Variants in CABIN1 observed in about 807,000 individuals in gnomAD.
CABIN1 encodes the protein calcineurin-binding protein cabin-1.
In CABIN1, 133 loss-of-function variants were observed where a neutral mutation model predicts 227.7. The ratio of observed to expected loss-of-function variants is 0.58; its 90% CI spans 0.51 to 0.67. The LOEUF is 0.67. CABIN1 is among the 30% of genes least tolerant of loss of function. The pLI is 0.00. For synonymous variants in CABIN1, 1,086 were observed against 1,155.1 expected (o/e 0.94, Z 1.21); for missense variants, 2,408 against 2,852.5 (o/e 0.84, Z 3.55).
intron 27 of CABIN1, among the ~76,000 whole-genome samples, chr22:24,118,890 T>A (rs1019930876): frequency 6.6e-6 from 1 of 152,192 alleles, no homozygotes; most frequent in African/African-American, 2.4e-5. Context: ...GGCTCACATA[T>A]AGCAGCGGCA....
intron 15 of CABIN1, among the ~76,000 whole-genome samples, chr22:24,066,291 A>C (rs1169907912): frequency 6.6e-6 from 1 of 152,172 alleles, no homozygotes; most frequent in African/African-American, 2.4e-5. Context: ...AGAAGCAGTC[A>C]TTGCTCTGCT....
intron 29 of CABIN1, among the ~76,000 whole-genome samples, chr22:24,135,228 T>TA (rs2044322172): frequency 6.7e-6 from 1 of 149,950 alleles, no homozygotes; most frequent in Non-Finnish European, 1.5e-5. Context: ...CTGTCTCTAC[T>TA]AAAATACAAA....
At chr22:24,015,334 G>C (rs1018509140) in intron 1 of CABIN1, among the ~76,000 whole-genome samples, 2 of 144,502 alleles carry the variant, frequency 1.4e-5, no homozygotes, top group African/African-American at 5.1e-5. Flanking sequence ...TCTGTTCATA[G>C]AGATCTTCTT....
chr22:24,164,423 C>T lies in CABIN1; in HGVS notation c.4770C>T (p.Asp1590=), dbSNP rs780553186. ...AGGGCATCTGGCGGATCCCCGTGGA[C>T]GAGATTGACCGGCCGGGCAGCTTTG... The part of the protein sequence containing the change: ...FFNGIWRIPV[D]EIDRPGSFAW... Residue 1590 remains aspartate (D), a synonymous_variant, in exon 30 of 37, where the codon GAC becomes GAT. Transcript: ENST00000263119. The T allele has an allele frequency of 2.3e-5, 37 of 1,604,670 alleles. No individual in the cohort carries two copies. The highest frequency in any genetic ancestry group is 2.2e-4 in the East Asian group (10 of 44,872).
intron 26 of CABIN1, among the ~76,000 whole-genome samples, chr22:24,102,885 C>G (rs2042290861): frequency 6.6e-6 from 1 of 152,170 alleles, no homozygotes; most frequent in Non-Finnish European, 1.5e-5. Flanking sequence ...TGCCCTGTGC[C>G]AAACCCCCAT....
At chr22:24,099,612 C>A (rs1223314319) in intron 26 of CABIN1, among the ~76,000 whole-genome samples, 1 of 152,356 alleles carries the variant, frequency 6.6e-6, no homozygotes, top group African/African-American at 2.4e-5. Flanking sequence ...GTTAATCACC[C>A]TGTTCCCAAA....
At position 24,059,948 on chromosome 22, in the gene CABIN1, T is replaced by C. The variant is rs2039072050; in HGVS notation, c.1424T>C (p.Leu475Pro). ...ESEKQDVHEF[L>P]LENLTNGGIL... ...GAAAAGCAGGACGTGCATGAGTTCCTGCTGGAGAACCTAACCAACGGGGGC... is the reference window on the plus strand; with the variant it reads ...GAAAAGCAGGACGTGCATGAGTTCCCGCTGGAGAACCTAACCAACGGGGGC... The change falls in exon 12 of 37, where the codon CTG (leucine) becomes CCG (proline). Residue 475 changes from leucine to proline, a missense_variant. This residue lies in a region of CABIN1 where 1,045 missense variants were observed against 1,168.4 expected (regional missense o/e 0.89). Coordinates refer to ENST00000263119, the MANE Select transcript of CABIN1 (RefSeq NM_012295.4). 1 of 1,614,130 alleles carries C rather than the reference T, an allele frequency of 6.2e-7. No individual in the cohort carries two copies. The highest frequency in any genetic ancestry group is 8.5e-7 in the Non-Finnish European group (1 of 1,180,054).
At position 24,164,455 on chromosome 22, in the gene CABIN1, A is replaced by C; in HGVS notation, c.4802A>C (p.His1601Pro). ...EIDRPGSFAW[H>P]MNRSIVLLLK... ...GACCGGCCGGGCAGCTTTGCCTGGC[A>C]CATGAACCGCTCCATCGTGCTGCTG... Residue 1601 changes from histidine (H) to proline (P), a missense_variant, in exon 30 of 37, where the codon CAC becomes CCC. This residue lies in a region of CABIN1 where 649 missense variants were observed against 910.3 expected (regional missense o/e 0.71). Coordinates refer to ENST00000263119, the MANE Select transcript of CABIN1 (RefSeq NM_012295.4). The C allele has an allele frequency of 1.2e-6, 2 of 1,605,882 alleles. No homozygotes were observed. Among genetic ancestry groups the C allele is most frequent in the Non-Finnish European group, 1.7e-6 (2 of 1,179,970 alleles).
intron 32 of CABIN1, 59 bp downstream of exon 32, chr22:24,167,372 C>T (rs2046514147): frequency 1.3e-6 from 2 of 1,534,414 alleles, no homozygotes; most frequent in African/African-American, 2.7e-5. Flanking sequence ...CCACTCTTGC[C>T]TTTCTATCCT....
intron 15 of CABIN1, among the ~76,000 whole-genome samples, 171 bp downstream of exon 15, chr22:24,064,358 G>A (rs531929637): frequency 2.6e-5 from 4 of 152,054 alleles, no homozygotes; most frequent in Admixed American, 6.5e-5. Flanking sequence ...GGTGCCCGCC[G>A]CCATGCCTGG....
intron 27 of CABIN1, among the ~76,000 whole-genome samples, chr22:24,118,469 A>T (rs2043209210): frequency 6.6e-6 from 1 of 152,094 alleles, no homozygotes; most frequent in South Asian, 2.1e-4. Flanking sequence ...CCAGGCTGCT[A>T]CTACAGTAGG....
At chr22:24,041,318 C>G (rs1235593802) in intron 5 of CABIN1, 45 bp downstream of exon 5, 1 of 1,613,364 alleles carries the variant, frequency 6.2e-7, no homozygotes, top group Non-Finnish European at 8.5e-7. Flanking sequence ...TTTGAAAGCT[C>G]TTGGTGGAGG....
chr22:24,176,363 G>C (rs2047109505), intron 35 of CABIN1, 88 bp downstream of exon 35: 1 of 1,412,732 alleles, frequency 7.1e-7, no homozygotes, highest in African/African-American at 1.4e-5. Context: ...GCCTGGCCTT[G>C]AAGGGCAGGG....
chr22:24,137,968 G>A (rs2044520208), intron 29 of CABIN1, among the ~76,000 whole-genome samples: 1 of 152,170 alleles, frequency 6.6e-6, no homozygotes, highest in South Asian at 2.1e-4. Context: ...AAGGCAGTAG[G>A]TGGGTGCTGG....
intron 33 of CABIN1, among the ~76,000 whole-genome samples, chr22:24,169,453 G>A (rs767862300): frequency 6.6e-5 from 10 of 152,268 alleles, no homozygotes; most frequent in East Asian, 3.9e-4. Context: ...GGGCTATTAC[G>A]TCTGCGGAAG....
chr22:24,142,114 G>A (rs1322281500), intron 29 of CABIN1, among the ~76,000 whole-genome samples: 1 of 152,104 alleles, frequency 6.6e-6, no homozygotes, highest in African/African-American at 2.4e-5. Context: ...CCCCCTCCCT[G>A]CACCCAGTGA....
intron 14 of CABIN1, among the ~76,000 whole-genome samples, 193 bp from the exon 15 acceptor site, chr22:24,063,842 C>T (rs2146483215): frequency 6.6e-6 from 1 of 152,358 alleles, no homozygotes; most frequent in East Asian, 1.9e-4. Flanking sequence ...TTGACATGGA[C>T]TGTTCATTTA....
rs1444861421 is a variant in CABIN1 at position 24,096,101 on chromosome 22, G to A, written c.3938+19G>A. 1.2e-6 allele frequency: 2 copies of A among 1,613,740 alleles called. No homozygotes were observed. The highest frequency in any genetic ancestry group is 3.3e-5 in the Admixed American group (2 of 60,024). ...CAGAAAAGTGAGTAGCACCCTTCAG[G>A]CGACCCCTAGCAGCTTACCCCATCT... On this transcript the variant is annotated intron_variant, in intron 25 of 36. Coordinates refer to ENST00000263119, the MANE Select transcript of CABIN1 (RefSeq NM_012295.4).
At chr22:24,052,917 C>T (rs2038463129) in intron 8 of CABIN1, among the ~76,000 whole-genome samples, 1 of 151,990 alleles carries the variant, frequency 6.6e-6, no homozygotes, top group Middle Eastern at 3.2e-3. Flanking sequence ...GTATTTAAGG[C>T]ATTTGACACA....
Sources: allele counts gnomAD v4.1 joint callset (sites outside exome capture counted in the v4.1 genomes callset), GRCh38; gene constraint gnomAD v4.1.1; regional missense constraint gnomAD v4.1.1; transcripts MANE v1.5; gene names NCBI Gene and HGNC (gene_info 2026-07-23, HGNC 2026-07-21).